GRM7: variants seen among roughly 807,000 people sequenced by gnomAD.
GRM7 encodes metabotropic glutamate receptor 7.
Under a neutral mutation model 84.5 loss-of-function variants are expected in GRM7, and 35 were observed. The ratio of observed to expected loss-of-function variants is 0.41; its 90% CI spans 0.32 to 0.55. GRM7 has a LOEUF of 0.55. GRM7 is among the 20% of genes least tolerant of loss of function. The pLI, the probability that GRM7 is intolerant of heterozygous loss-of-function variation, is 0.19. For synonymous variants in GRM7, 487 were observed against 455.1 expected (o/e 1.07, Z -0.89); for missense variants, 1,003 against 1,194.6 (o/e 0.84, Z 2.36).
intron 5 of GRM7, among the ~76,000 whole-genome samples, chr3:7,434,960 A>C (rs764941790): frequency 1.3e-5 from 2 of 152,192 alleles, no homozygotes; most frequent in Non-Finnish European, 2.9e-5. Context: ...TCGAATGTAT[A>C]TTCAATTTAT....
intron 4 of GRM7, among the ~76,000 whole-genome samples, chr3:7,371,086 G>A (rs1350833995): frequency 6.6e-6 from 1 of 152,050 alleles, no homozygotes; most frequent in East Asian, 1.9e-4. Context: ...ATGTTCAGTG[G>A]AATCTACTGT....
chr3:7,351,388 C>T (rs1255040244), intron 4 of GRM7, among the ~76,000 whole-genome samples: 1 of 144,478 alleles, frequency 6.9e-6, no homozygotes, highest in Non-Finnish European at 1.5e-5. Flanking sequence ...ACTGACCCAA[C>T]CCTCCTTCAT....
intron 8 of GRM7, among the ~76,000 whole-genome samples, chr3:7,583,082 C>T (rs778852608): frequency 8.5e-5 from 13 of 152,086 alleles, no homozygotes; most frequent in Non-Finnish European, 1.8e-4. Context: ...ATCAAGGAAC[C>T]AGGAGATCAG....
At chr3:7,107,490 T>C (rs889678943) in intron 1 of GRM7, among the ~76,000 whole-genome samples, 1 of 152,096 alleles carries the variant, frequency 6.6e-6, no homozygotes, top group Non-Finnish European at 1.5e-5. Flanking sequence ...CAAAGATGTG[T>C]ACCAGATAGG....
At chr3:7,367,823 G>A (rs1301905153) in intron 4 of GRM7, among the ~76,000 whole-genome samples, 2 of 151,454 alleles carry the variant, frequency 1.3e-5, no homozygotes, top group Non-Finnish European at 2.9e-5. Flanking sequence ...CATCTAGACG[G>A]GGTCCTGTGG....
At chr3:7,446,611 G>T (rs1027058432) in intron 5 of GRM7, among the ~76,000 whole-genome samples, 2 of 151,706 alleles carry the variant, frequency 1.3e-5, no homozygotes, top group Non-Finnish European at 2.9e-5. Context: ...TCAGGCACAC[G>T]CCACAGCCCG....
At chr3:6,988,210 C>T (rs374236449) in intron 1 of GRM7, among the ~76,000 whole-genome samples, 17 of 141,494 alleles carry the variant, frequency 1.2e-4, no homozygotes, top group African/African-American at 3.7e-4. Context: ...GGGGTTTCAC[C>T]GTGTTAGCCA....
intron 1 of GRM7, among the ~76,000 whole-genome samples, chr3:6,974,371 G>GAT (rs527885969): frequency 1.1e-3 from 167 of 152,274 alleles, no homozygotes; most frequent in African/African-American, 3.8e-3. Context: ...TCCAATTGAG[G>GAT]ACATCAATTT....
At chr3:6,999,526 T>C (rs1235462293) in intron 1 of GRM7, among the ~76,000 whole-genome samples, 3 of 152,172 alleles carry the variant, frequency 2.0e-5, no homozygotes, top group Non-Finnish European at 2.9e-5. Context: ...CCCCACTCTC[T>C]GCAGTACTAA....
intron 4 of GRM7, among the ~76,000 whole-genome samples, chr3:7,318,907 C>CT (rs1250540348): frequency 6.6e-6 from 1 of 152,052 alleles, no homozygotes; most frequent in Non-Finnish European, 1.5e-5. Flanking sequence ...GAGCTGACTG[C>CT]TTTTTTCTCT....
At chr3:7,488,447 G>A (rs2124946665) in intron 7 of GRM7, among the ~76,000 whole-genome samples, 1 of 152,178 alleles carries the variant, frequency 6.6e-6, no homozygotes, top group Middle Eastern at 3.4e-3. Context: ...GAGTCATGAG[G>A]GATCTACTCT....
intron 1 of GRM7, among the ~76,000 whole-genome samples, chr3:6,914,387 T>C (rs190161712): frequency 2.6e-5 from 4 of 152,290 alleles, no homozygotes; most frequent in Admixed American, 1.3e-4. Flanking sequence ...ATTTTCACAA[T>C]AGCTTTCATG....
chr3:7,109,854 T>G (rs746433505), intron 1 of GRM7, among the ~76,000 whole-genome samples: 6 of 152,128 alleles, frequency 3.9e-5, no homozygotes, highest in Non-Finnish European at 8.8e-5. Context: ...TTGTTGTGGA[T>G]AGTATGTTCA....
At chr3:7,645,653 C>A (rs1386368967) in intron 8 of GRM7, among the ~76,000 whole-genome samples, 2 of 151,598 alleles carry the variant, frequency 1.3e-5, no homozygotes, top group South Asian at 2.1e-4. Context: ...GCCACAGAGT[C>A]ATAAGACAGA....
intron 4 of GRM7, among the ~76,000 whole-genome samples, chr3:7,335,562 A>G (rs1483520003): frequency 1.3e-5 from 2 of 152,070 alleles, no homozygotes; most frequent in African/African-American, 4.8e-5. Context: ...CAAAGATCAG[A>G]GTAGAACTAA....
chr3:7,632,105 T>C (rs902226419), intron 8 of GRM7, among the ~76,000 whole-genome samples: 5 of 152,188 alleles, frequency 3.3e-5, no homozygotes, highest in Admixed American at 2.0e-4. Flanking sequence ...AGGACAGTAA[T>C]GCAGGCTTGT....
At chr3:7,032,791 G>A (rs1314161726) in intron 1 of GRM7, among the ~76,000 whole-genome samples, 1 of 152,130 alleles carries the variant, frequency 6.6e-6, no homozygotes, top group Non-Finnish European at 1.5e-5. Flanking sequence ...AGTTCTCAAG[G>A]AAATTAGAAT....
chr3:7,173,686 A>G (rs1215918150), intron 2 of GRM7, among the ~76,000 whole-genome samples: 2 of 152,098 alleles, frequency 1.3e-5, no homozygotes, highest in Non-Finnish European at 2.9e-5. Context: ...CCTTCTGCCT[A>G]AAATACTCTC....
intron 8 of GRM7, among the ~76,000 whole-genome samples, chr3:7,674,809 T>G (rs1049322463): frequency 3.2e-4 from 49 of 152,164 alleles, no homozygotes; most frequent in African/African-American, 9.4e-4. Context: ...TGTATCTCAA[T>G]AAAAATGGCG....
Sources: gnomAD v4.1 joint callset for allele counts (sites outside exome capture counted in the v4.1 genomes callset) on GRCh38, gnomAD v4.1.1 for gene constraint, MANE v1.5 for transcripts, NCBI Gene and HGNC (gene_info 2026-07-23, HGNC 2026-07-21) for gene names.